The following LINGO2 variants were observed in gnomAD, a reference collection of about 807,000 sequenced individuals.
LINGO2 encodes leucine-rich repeat and immunoglobulin-like domain-containing nogo receptor-interacting protein 2.
Under a neutral mutation model 30.6 loss-of-function variants are expected in LINGO2, and 14 were observed. That is an observed-to-expected ratio of 0.46 (90% CI 0.30 to 0.72). LINGO2 has a LOEUF of 0.72. Ranked by LOEUF, LINGO2 falls within the 30% of genes least tolerant of loss-of-function variation. The pLI is 0.07. For missense variants in LINGO2, 729 were observed against 751.7 expected (o/e 0.97, Z 0.35); for synonymous variants, 317 against 288.5 (o/e 1.10, Z -1.00).
the LINGO2 span, among the ~76,000 whole-genome samples, chr9:29,119,345 AT>A: frequency 6.7e-6 from 1 of 148,932 alleles, no homozygotes; most frequent in South Asian, 2.1e-4. Context: ...AACAGCACAC[AT>A]ATGCATGCAC....
chr9:28,716,266 T>G, the LINGO2 span, among the ~76,000 whole-genome samples: 1 of 152,160 alleles, frequency 6.6e-6, no homozygotes, highest in East Asian at 1.9e-4. Context: ...TTTCTTTTTT[T>G]AATTTTTTAC....
the LINGO2 span, among the ~76,000 whole-genome samples, chr9:29,003,118 G>A: frequency 1.3e-5 from 2 of 151,954 alleles, no homozygotes; most frequent in African/African-American, 2.4e-5. Context: ...TAAGAGTAAG[G>A]AATGGAACAG....
intron 2 of LINGO2, among the ~76,000 whole-genome samples, chr9:28,405,582 T>C (rs1323468599): frequency 6.6e-6 from 1 of 152,170 alleles, no homozygotes; most frequent in African/African-American, 2.4e-5. Context: ...TACCACATAA[T>C]AGAAACACAC....
chr9:28,017,175 T>C (rs940429811), intron 4 of LINGO2, among the ~76,000 whole-genome samples: 1 of 152,134 alleles, frequency 6.6e-6, no homozygotes, highest in East Asian at 1.9e-4. Flanking sequence ...AAACTAGGCA[T>C]TGAAGGAACA....
intron 2 of LINGO2, among the ~76,000 whole-genome samples, chr9:28,401,002 C>T (rs1294425322): frequency 5.9e-5 from 9 of 151,938 alleles, no homozygotes; most frequent in Non-Finnish European, 1.3e-4. Context: ...GTGACTGCTC[C>T]TAAACACCAA....
the LINGO2 span, among the ~76,000 whole-genome samples, chr9:28,711,997 C>G: frequency 3.9e-5 from 6 of 152,172 alleles, no homozygotes; most frequent in East Asian, 5.8e-4. Context: ...ATGAAGACAG[C>G]CTTTTCATTG....
chr9:27,961,776 G>A (rs774363590), intron 5 of LINGO2, among the ~76,000 whole-genome samples: 1 of 152,142 alleles, frequency 6.6e-6, no homozygotes, highest in Non-Finnish European at 1.5e-5. Flanking sequence ...TACTCTCAGG[G>A]TCATGGGTGT....
At chr9:28,768,221 T>C in the LINGO2 span, among the ~76,000 whole-genome samples, 1 of 152,194 alleles carries the variant, frequency 6.6e-6, no homozygotes, top group Admixed American at 6.5e-5. Flanking sequence ...ATTGTTTCCC[T>C]GTCATCCACA....
At position 28,148,168 on chromosome 9, in the gene LINGO2, A is replaced by C. The variant is rs1827871708; in HGVS notation, c.-86-135763T>G. On this transcript the variant is annotated intron_variant, in intron 4 of 5. Coordinates refer to ENST00000379992, the Ensembl canonical transcript of LINGO2. This position sits in a 1 kb window ranked among gnomAD's most constrained non-coding sequence, Gnocchi z 5.1. ...TCCCACTCCTCTTCAACCCTCAGCG[A>C]CATCTTGGGCCTTCTTTTCCAGTCA... is the stretch of plus-strand genomic sequence containing the variant. 1.2e-6 allele frequency: 1 copy of C among 852,020 alleles called. No individual in the cohort carries two copies. Among genetic ancestry groups the C allele is most frequent in the African/African-American group, 1.7e-5 (1 of 57,568 alleles). The allele number at this position is 852,020 out of a possible 1,614,324, so 52.8% of individuals were successfully genotyped here.
intron 3 of LINGO2, among the ~76,000 whole-genome samples, chr9:28,319,519 GTTA>G (rs1259408254): frequency 6.6e-6 from 1 of 151,892 alleles, no homozygotes; most frequent in Non-Finnish European, 1.5e-5. Flanking sequence ...TTGGGGGGCT[GTTA>G]TTATTCTTCC....
chr9:28,025,650 T>C (rs1020705342), intron 4 of LINGO2, among the ~76,000 whole-genome samples: 4 of 152,152 alleles, frequency 2.6e-5, no homozygotes, highest in African/African-American at 9.7e-5. Flanking sequence ...GGTGGTTTCA[T>C]GGTTGGAGGC....
chr9:28,235,979 G>C (rs1399492101), intron 4 of LINGO2, among the ~76,000 whole-genome samples: 1 of 152,038 alleles, frequency 6.6e-6, no homozygotes, highest in East Asian at 1.9e-4. Context: ...ATACACAAGA[G>C]GGAAACAGAA....
At chr9:28,287,828 G>C (rs116610132) in intron 4 of LINGO2, among the ~76,000 whole-genome samples, 1,700 of 152,214 alleles carry the variant, frequency 0.011, 31 homozygotes, top group African/African-American at 0.038. Context: ...GTGCACTGCT[G>C]TGACAAAAAA....
the LINGO2 span, among the ~76,000 whole-genome samples, chr9:28,958,790 G>A: frequency 6.6e-6 from 1 of 152,154 alleles, no homozygotes; most frequent in South Asian, 2.1e-4. Context: ...GAGGAGGAGT[G>A]AGAGACTGAG....
At chr9:28,307,738 G>T (rs1040598636) in intron 3 of LINGO2, among the ~76,000 whole-genome samples, 3 of 152,068 alleles carry the variant, frequency 2.0e-5, no homozygotes, top group South Asian at 2.1e-4. Flanking sequence ...AAATTCTCAG[G>T]ATACAAAATC....
exon 6 of LINGO2, chr9:27,949,953 A>G: frequency 1.9e-6 from 3 of 1,614,124 alleles, no homozygotes; most frequent in South Asian, 1.1e-5. Flanking sequence ...GGCAGGCATC[A>G]TATCCAGTAA....
intron 4 of LINGO2, among the ~76,000 whole-genome samples, chr9:28,193,234 T>A (rs1212865178): frequency 6.6e-6 from 1 of 152,160 alleles, no homozygotes; most frequent in Non-Finnish European, 1.5e-5. Flanking sequence ...CCTTCTTAGA[T>A]CTAGGAACTA....
the LINGO2 span, among the ~76,000 whole-genome samples, chr9:28,928,282 C>T: frequency 3.9e-5 from 6 of 152,248 alleles, no homozygotes; most frequent in African/African-American, 1.4e-4. Context: ...CTTTTATATA[C>T]ACATGCAAAG....
chr9:29,034,697 T>C, the LINGO2 span, among the ~76,000 whole-genome samples: 25,422 of 152,120 alleles, frequency 0.17, 2,271 homozygotes, highest in East Asian at 0.34. Flanking sequence ...TTATAATCAT[T>C]AAAATAAAAC....
Sources: gnomAD v4.1 joint callset for allele counts (sites outside exome capture counted in the v4.1 genomes callset) on GRCh38, gnomAD v4.1.1 for gene constraint, Gnocchi (gnomAD v3.1) non-coding constraint, MANE v1.5 for transcripts, NCBI Gene and HGNC (gene_info 2026-07-23, HGNC 2026-07-21) for gene names.